The following SGCZ variants were observed in gnomAD, a reference collection of about 807,000 sequenced individuals.
SGCZ encodes zeta-sarcoglycan.
In SGCZ, 40 loss-of-function variants were observed where a neutral mutation model predicts 41.3. That is an observed-to-expected ratio of 0.97 (90% CI 0.75 to 1.26). The LOEUF (loss-of-function observed/expected upper bound fraction) is 1.26, where lower values mean the gene tolerates loss of function less well. SGCZ is among the 50% of genes most tolerant of loss of function. The probability of loss-of-function intolerance (pLI) is 0.00; values close to 1 mark genes in which losing one functional copy is unlikely to be tolerated. For missense variants in SGCZ, 552 were observed against 369.8 expected, an observed-to-expected ratio of 1.49 and a Z score of -4.04; for synonymous variants, 206 against 137.5, an observed-to-expected ratio of 1.50 and a Z score of -3.49.
At chr8:14,096,534 ATG>A (rs1242346397) in intron 7 of SGCZ, among the ~76,000 whole-genome samples, 15 of 152,266 alleles carry the variant, frequency 9.9e-5, no homozygotes, top group Non-Finnish European at 2.1e-4. Flanking sequence ...TTTCGAATCG[ATG>A]TTCATCAGGG....
At chr8:14,950,893 T>A (rs1800612924) in intron 1 of SGCZ, among the ~76,000 whole-genome samples, 1 of 152,024 alleles carries the variant, frequency 6.6e-6, no homozygotes, top group African/African-American at 2.4e-5. Context: ...TTAGAAGTCT[T>A]AAATTTAAAT....
chr8:14,305,722 A>C (rs1563247090), intron 3 of SGCZ, among the ~76,000 whole-genome samples: 1 of 152,204 alleles, frequency 6.6e-6, no homozygotes, highest in Non-Finnish European at 1.5e-5. Context: ...TCCCTTTGCA[A>C]AGTGACTTTA....
intron 1 of SGCZ, among the ~76,000 whole-genome samples, chr8:14,656,466 G>A (rs73200887): frequency 0.11 from 11,576 of 108,414 alleles, 578 homozygotes; most frequent in African/African-American, 0.19. Flanking sequence ...TTTTCTTTTC[G>A]TTTTTTCTTC....
chr8:14,306,795 T>C (rs940372792), intron 3 of SGCZ, among the ~76,000 whole-genome samples: 29 of 152,200 alleles, frequency 1.9e-4, no homozygotes, highest in Non-Finnish European at 3.7e-4. Flanking sequence ...ATATCAGTAT[T>C]AAATTCAGGA....
intron 2 of SGCZ, among the ~76,000 whole-genome samples, chr8:14,553,922 A>T (rs947081789): frequency 2.0e-5 from 3 of 152,036 alleles, no homozygotes; most frequent in African/African-American, 7.2e-5. Context: ...ATGTGGAGAT[A>T]TCTGAGGTCC....
At chr8:14,849,206 C>G (rs957397779) in intron 1 of SGCZ, among the ~76,000 whole-genome samples, 1 of 152,044 alleles carries the variant, frequency 6.6e-6, no homozygotes, top group African/African-American at 2.4e-5. Context: ...TGGAACTGAA[C>G]TTCTTACACT....
chr8:14,426,478 G>C (rs1484314936), intron 2 of SGCZ, among the ~76,000 whole-genome samples: 3 of 151,974 alleles, frequency 2.0e-5, no homozygotes, highest in Non-Finnish European at 1.5e-5. Flanking sequence ...AAGAAGCAGA[G>C]AGGCAGAGAA....
At chr8:14,200,587 G>A (rs1048392321) in intron 4 of SGCZ, among the ~76,000 whole-genome samples, 3 of 151,976 alleles carry the variant, frequency 2.0e-5, no homozygotes, top group African/African-American at 4.8e-5. Flanking sequence ...AGATTCTGAC[G>A]CAATTTAAAA....
intron 1 of SGCZ, among the ~76,000 whole-genome samples, chr8:15,002,776 A>G (rs1417285573): frequency 6.6e-6 from 1 of 152,180 alleles, no homozygotes; most frequent in Non-Finnish European, 1.5e-5. Flanking sequence ...AATAATTGCT[A>G]TGCAAAATCA....
intron 1 of SGCZ, among the ~76,000 whole-genome samples, chr8:14,753,848 T>A (rs1309585306): frequency 6.6e-6 from 1 of 152,178 alleles, no homozygotes; most frequent in East Asian, 1.9e-4. Context: ...CTAGCTGCAA[T>A]CATGCAATCA....
intron 1 of SGCZ, among the ~76,000 whole-genome samples, chr8:14,884,670 G>A (rs1443694540): frequency 1.3e-5 from 2 of 151,786 alleles, no homozygotes; most frequent in African/African-American, 2.4e-5. Flanking sequence ...CACCAAGAGG[G>A]CATTCACTTA....
At chr8:14,840,817 C>T (rs1271279415) in intron 1 of SGCZ, among the ~76,000 whole-genome samples, 1 of 152,048 alleles carries the variant, frequency 6.6e-6, no homozygotes, top group Non-Finnish European at 1.5e-5. Flanking sequence ...TTTTTAACCT[C>T]TTATGAGACT....
intron 1 of SGCZ, among the ~76,000 whole-genome samples, chr8:15,193,976 G>C (rs940154191): frequency 6.6e-6 from 1 of 151,986 alleles, no homozygotes; most frequent in African/African-American, 2.4e-5. Flanking sequence ...AATTCTCAGT[G>C]GCATTCTTCT....
At chr8:14,314,914 T>G (rs1397000079) in intron 3 of SGCZ, among the ~76,000 whole-genome samples, 4 of 152,180 alleles carry the variant, frequency 2.6e-5, no homozygotes, top group Non-Finnish European at 5.9e-5. Context: ...TTTAGATGAA[T>G]TATTTGCAAA....
intron 2 of SGCZ, among the ~76,000 whole-genome samples, chr8:14,410,716 T>G (rs998049312): frequency 6.6e-6 from 1 of 152,084 alleles, no homozygotes; most frequent in Non-Finnish European, 1.5e-5. Flanking sequence ...CCATGGCACA[T>G]GTATGCCTGT....
At chr8:14,980,343 G>A (rs1347329833) in intron 1 of SGCZ, among the ~76,000 whole-genome samples, 3 of 152,192 alleles carry the variant, frequency 2.0e-5, no homozygotes, top group Non-Finnish European at 2.9e-5. Flanking sequence ...AGAGACCTGG[G>A]ATACCCAAGT....
chr8:14,456,275 G>A (rs1006995449), intron 2 of SGCZ, among the ~76,000 whole-genome samples: 3 of 152,102 alleles, frequency 2.0e-5, no homozygotes, highest in South Asian at 2.1e-4. Flanking sequence ...GGGTGTGGTG[G>A]TGCACGCCTA....
chr8:14,765,697 G>C (rs906035158), intron 1 of SGCZ, among the ~76,000 whole-genome samples: 3 of 152,148 alleles, frequency 2.0e-5, no homozygotes, highest in South Asian at 4.1e-4. Flanking sequence ...CAGTAAACAA[G>C]TGCATTTTAT....
At chr8:14,152,295 A>G (rs1405465217) in intron 5 of SGCZ, among the ~76,000 whole-genome samples, 1 of 152,218 alleles carries the variant, frequency 6.6e-6, no homozygotes, top group Non-Finnish European at 1.5e-5. Flanking sequence ...ACATTTTACT[A>G]AACTGAATAT....
Sources: gnomAD v4.1 joint callset for allele counts (sites outside exome capture counted in the v4.1 genomes callset) on GRCh38, gnomAD v4.1.1 for gene constraint, MANE v1.5 for transcripts, NCBI Gene and HGNC (gene_info 2026-07-23, HGNC 2026-07-21) for gene names.